Variants in LRRC39 observed in about 807,000 individuals in gnomAD.
The protein encoded by LRRC39 is leucine rich repeat containing 39, also known as leucine-rich repeat-containing protein 39.
A neutral mutation model predicts 39.7 loss-of-function variants in LRRC39; 35 were observed. That is an observed-to-expected ratio of 0.88 (90% CI 0.67 to 1.17). The LOEUF (loss-of-function observed/expected upper bound fraction) is 1.17, where lower values mean the gene tolerates loss of function less well. Ranked by LOEUF, LRRC39 falls within the 50% of genes most tolerant of loss-of-function variation. The probability of loss-of-function intolerance (pLI) is 0.00; values close to 1 mark genes in which losing one functional copy is unlikely to be tolerated. For synonymous variants in LRRC39, 113 were observed against 134.1 expected (o/e 0.84, Z 1.09); for missense variants, 357 against 385.8 (o/e 0.93, Z 0.62).
chr1:100,167,835 G>A (rs966697134), intron 3 of LRRC39, among the ~76,000 whole-genome samples: 1 of 149,048 alleles, frequency 6.7e-6, no homozygotes, highest in Admixed American at 6.7e-5. Flanking sequence ...ATGATAGAAA[G>A]AGACAATGAA....
intron 3 of LRRC39, among the ~76,000 whole-genome samples, chr1:100,162,517 G>A (rs1481806912): frequency 1.3e-5 from 2 of 151,872 alleles, no homozygotes; most frequent in East Asian, 3.9e-4. Flanking sequence ...TGCGTGCCTG[G>A]AGTCCCAGGT....
chr1:100,148,851 C>A lies in LRRC39; in HGVS notation c.*191G>T. The A allele has an allele frequency of 7.4e-7, 1 of 1,345,608 alleles. No homozygotes were observed. Among genetic ancestry groups the A allele is most frequent in the Non-Finnish European group, 9.6e-7 (1 of 1,036,564 alleles). The allele number at this position is 1,345,608 out of a possible 1,614,324, so 83.4% of individuals were successfully genotyped here. A position where few individuals can be genotyped will look rare whatever the true frequency, so the allele number is the denominator to read the frequency against. Reference sequence around the variant, plus strand: ...AAGAAATTTGAGCATCATCTGTCTTCCACCAAAAAAAATTTTTTAATTATA... The same window carrying A: ...AAGAAATTTGAGCATCATCTGTCTTACACCAAAAAAAATTTTTTAATTATA... On this transcript the variant is annotated 3_prime_UTR_variant, in exon 10 of 10. Coordinates refer to ENST00000370137, the MANE Select transcript of LRRC39 (RefSeq NM_144620.4).
intron 2 of LRRC39, among the ~76,000 whole-genome samples, chr1:100,172,170 C>A (rs1659660417): frequency 2.0e-5 from 3 of 152,114 alleles, no homozygotes; most frequent in Admixed American, 6.6e-5. Context: ...TTCTACCAAG[C>A]ATTTGAGGGG....
chr1:100,166,065 C>T (rs1233981258), intron 3 of LRRC39, among the ~76,000 whole-genome samples: 1 of 151,962 alleles, frequency 6.6e-6, no homozygotes, highest in Non-Finnish European at 1.5e-5. Context: ...ATTTGGTTCT[C>T]ATTCTCTCTT....
intron 2 of LRRC39, among the ~76,000 whole-genome samples, chr1:100,170,614 T>A (rs533450669): frequency 1.3e-5 from 2 of 152,334 alleles, no homozygotes; most frequent in South Asian, 4.1e-4. Flanking sequence ...AGAGAGAATT[T>A]ATATATGAAT....
chr1:100,164,441 T>C (rs1226051563), intron 3 of LRRC39, among the ~76,000 whole-genome samples: 1 of 152,184 alleles, frequency 6.6e-6, no homozygotes, highest in Non-Finnish European at 1.5e-5. Flanking sequence ...TTGGTCCTAC[T>C]CCAGACTTAC....
chr1:100,171,190 A>G (rs998378725), intron 2 of LRRC39, among the ~76,000 whole-genome samples: 1 of 152,244 alleles, frequency 6.6e-6, no homozygotes, highest in African/African-American at 2.4e-5. Context: ...TTGCACAAGC[A>G]GTTTAAAACT....
chr1:100,151,335 T>C (rs1052240651), intron 9 of LRRC39, among the ~76,000 whole-genome samples: 4 of 152,160 alleles, frequency 2.6e-5, no homozygotes, highest in Non-Finnish European at 5.9e-5. Flanking sequence ...CCTAATTGTC[T>C]TTATATATTC....
intron 3 of LRRC39, among the ~76,000 whole-genome samples, 160 bp downstream of exon 3, chr1:100,168,244 A>C (rs1000112530): frequency 1.4e-4 from 22 of 152,186 alleles, no homozygotes; most frequent in African/African-American, 5.3e-4. Flanking sequence ...CGCATAGACA[A>C]ATTTAATTGA....
chr1:100,161,212 A>G (rs1658850902), intron 3 of LRRC39, among the ~76,000 whole-genome samples: 1 of 151,736 alleles, frequency 6.6e-6, no homozygotes, highest in African/African-American at 2.4e-5. Context: ...AAAGCATTTT[A>G]TCACTCATAA....
At chr1:100,175,310 T>C (rs1428648866) in intron 1 of LRRC39, among the ~76,000 whole-genome samples, 1 of 151,952 alleles carries the variant, frequency 6.6e-6, no homozygotes, top group Non-Finnish European at 1.5e-5. Context: ...TGCCTCAGCC[T>C]TCAGAATAGC....
intron 3 of LRRC39, among the ~76,000 whole-genome samples, chr1:100,167,526 G>A (rs913883166): frequency 3.3e-5 from 5 of 152,118 alleles, no homozygotes; most frequent in South Asian, 4.1e-4. Context: ...TGTAATCCCA[G>A]CACTTTAGGA....
rs200113269 is a variant in LRRC39 at position 100,159,363 on chromosome 1, T to C, written c.272A>G (p.His91Arg). 6.2e-7 allele frequency: 1 copy of C among 1,612,102 alleles called. No homozygotes were observed. Among genetic ancestry groups the C allele is most frequent in the East Asian group, 2.2e-5 (1 of 44,712 alleles). ...KLNQLQEWQL[H>R]RTGLLKIPEF... Reference sequence around the variant, plus strand: ...AGGAATTTTCAGCAAACCAGTTCTATGAAGTTGCCATTCCTGTAGTTGATT... The same window carrying C: ...AGGAATTTTCAGCAAACCAGTTCTACGAAGTTGCCATTCCTGTAGTTGATT... The change falls in exon 5 of 10, where the codon CAT (histidine) becomes CGT (arginine). Residue 91 changes from histidine to arginine, a missense_variant. Coordinates refer to ENST00000370137, the MANE Select transcript of LRRC39 (RefSeq NM_144620.4).
chr1:100,165,873 CTT>C (rs370682819), intron 3 of LRRC39, among the ~76,000 whole-genome samples: 19 of 126,680 alleles, frequency 1.5e-4, no homozygotes, highest in Admixed American at 1.6e-4. Flanking sequence ...TTTCCCCTTT[CTT>C]TTTTTTTTTT....
At chr1:100,155,024 T>C (rs1658354085) in intron 8 of LRRC39, 27 bp downstream of exon 8, 14 of 1,522,192 alleles carry the variant, frequency 9.2e-6, no homozygotes, top group Non-Finnish European at 1.2e-5. Flanking sequence ...AGCAAGGTTT[T>C]TCAGTTTTGT....
chr1:100,151,385 C>A (rs1460347855), intron 9 of LRRC39, among the ~76,000 whole-genome samples: 2 of 151,992 alleles, frequency 1.3e-5, no homozygotes, highest in Non-Finnish European at 2.9e-5. Flanking sequence ...GACTTTTTTG[C>A]CTGTCTTCCC....
intron 3 of LRRC39, among the ~76,000 whole-genome samples, chr1:100,163,595 TAAAA>T (rs11455249): frequency 7.6e-6 from 1 of 132,334 alleles, no homozygotes; most frequent in Non-Finnish European, 1.6e-5. Flanking sequence ...CAGCTTTTTC[TAAAA>T]AAAAAAAAAA....
intron 9 of LRRC39, among the ~76,000 whole-genome samples, chr1:100,151,810 T>C (rs919145602): frequency 3.3e-5 from 5 of 152,150 alleles, no homozygotes; most frequent in African/African-American, 1.2e-4. Flanking sequence ...CGTGGTGGCA[T>C]GCACTGATAG....
At chr1:100,163,380 A>G (rs1330512316) in intron 3 of LRRC39, among the ~76,000 whole-genome samples, 1 of 152,208 alleles carries the variant, frequency 6.6e-6, no homozygotes, top group African/African-American at 2.4e-5. Flanking sequence ...GGCTATTATT[A>G]GAAAAATCTA....
Sources: gnomAD v4.1 joint callset for allele counts (sites outside exome capture counted in the v4.1 genomes callset) on GRCh38, gnomAD v4.1.1 for gene constraint, MANE v1.5 for transcripts, NCBI Gene and HGNC (gene_info 2026-07-23, HGNC 2026-07-21) for gene names.